Variants in LRRC20 observed in about 807,000 individuals in gnomAD.
LRRC20 encodes the protein leucine rich repeat containing 20, also known as leucine-rich repeat-containing protein 20.
A neutral mutation model predicts 14.4 loss-of-function variants in LRRC20; 11 were observed. The observed-to-expected ratio is 0.77, with a 90% confidence interval of 0.48 to 1.27. The LOEUF (loss-of-function observed/expected upper bound fraction) is 1.27. Ranked by LOEUF, LRRC20 falls within the 50% of genes most tolerant of loss-of-function variation. The pLI, the probability that LRRC20 is intolerant of heterozygous loss-of-function variation, is 0.00. For synonymous variants in LRRC20, 121 were observed against 107.3 expected, an observed-to-expected ratio of 1.13 and a Z score of -0.79; for missense variants, 219 against 251.2, an observed-to-expected ratio of 0.87 and a Z score of 0.87.
At chr10:70,340,892 A>C (rs1454538478) in intron 2 of LRRC20, among the ~76,000 whole-genome samples, 190 bp from the exon 3 acceptor site, 1 of 151,634 alleles carries the variant, frequency 6.6e-6, no homozygotes, top group Admixed American at 6.6e-5. Context: ...ATTAACTCAC[A>C]CCTGTCCCTC....
At chr10:70,319,570 C>T (rs1430316755) in intron 4 of LRRC20, among the ~76,000 whole-genome samples, 1 of 152,156 alleles carries the variant, frequency 6.6e-6, no homozygotes, top group Non-Finnish European at 1.5e-5. Context: ...CATCTGCCCT[C>T]CCCTACACCT....
intron 4 of LRRC20, among the ~76,000 whole-genome samples, chr10:70,305,152 C>A (rs1214158376): frequency 3.3e-5 from 5 of 152,172 alleles, no homozygotes; most frequent in African/African-American, 1.2e-4. Context: ...CCACTGCACT[C>A]CAGCCTGGGC....
intron 3 of LRRC20, among the ~76,000 whole-genome samples, chr10:70,338,742 C>T (rs1395732365): frequency 6.6e-6 from 1 of 152,230 alleles, no homozygotes; most frequent in South Asian, 2.1e-4. Flanking sequence ...CTCACTGCAA[C>T]CTCCACCTTC....
chr10:70,309,276 C>A (rs72809217), intron 4 of LRRC20, among the ~76,000 whole-genome samples: 11,928 of 152,266 alleles, frequency 0.078, 561 homozygotes, highest in Middle Eastern at 0.21. Context: ...CCCAGCAAAG[C>A]AGGCTGCTTC....
chr10:70,303,492 A>G (rs1841293194), intron 4 of LRRC20, among the ~76,000 whole-genome samples: 1 of 152,194 alleles, frequency 6.6e-6, no homozygotes, highest in Non-Finnish European at 1.5e-5. Context: ...TCTGGAATCA[A>G]AACAAACATA....
chr10:70,337,838 C>A (rs557222646), intron 3 of LRRC20, among the ~76,000 whole-genome samples: 12 of 152,140 alleles, frequency 7.9e-5, no homozygotes, highest in Non-Finnish European at 1.5e-4. Flanking sequence ...TCTGGGCCTC[C>A]GGACCTAGGT....
chr10:70,303,301 C>G (rs559510668), intron 4 of LRRC20, among the ~76,000 whole-genome samples: 2 of 152,146 alleles, frequency 1.3e-5, no homozygotes, highest in Admixed American at 1.3e-4. Flanking sequence ...CTAAAGAGTC[C>G]CTAAAGAAGC....
chr10:70,317,841 G>C (rs1301245932), intron 4 of LRRC20, among the ~76,000 whole-genome samples: 1 of 152,222 alleles, frequency 6.6e-6, no homozygotes, highest in Non-Finnish European at 1.5e-5. Flanking sequence ...TGGCAAGCTG[G>C]GAGGTCTGAA....
chr10:70,366,670 T>C (rs763182063), intron 2 of LRRC20, among the ~76,000 whole-genome samples: 1 of 152,156 alleles, frequency 6.6e-6, no homozygotes, highest in African/African-American at 2.4e-5. Context: ...TAGTTTTTTA[T>C]AGTCAAACAT....
chr10:70,377,151 C>A (rs373509336), intron 1 of LRRC20, among the ~76,000 whole-genome samples: 2 of 152,148 alleles, frequency 1.3e-5, no homozygotes, highest in African/African-American at 4.8e-5. Flanking sequence ...CACGGACTGG[C>A]GGTGGGTGGT....
intron 4 of LRRC20, among the ~76,000 whole-genome samples, chr10:70,320,690 C>T (rs1189495007): frequency 1.3e-5 from 2 of 152,138 alleles, no homozygotes; most frequent in South Asian, 2.1e-4. Context: ...ACTGGAGGGC[C>T]GTGTGCTCAA....
chr10:70,381,135 G>T (rs888230335), intron 1 of LRRC20, among the ~76,000 whole-genome samples: 2 of 152,256 alleles, frequency 1.3e-5, no homozygotes, highest in African/African-American at 4.8e-5. Flanking sequence ...CTAATCCATA[G>T]TTTTGCAAAG....
Position 70,301,461 on chromosome 10 carries a change from T to C in LRRC20, c.448A>G (p.Asn150Asp). ...GCGTTGAGTGGGTTGAAGCGGAGGTTGATGCTGCGCAAGGCTGGCATGGCG... is the reference window on the plus strand; with the variant it reads ...GCGTTGAGTGGGTTGAAGCGGAGGTCGATGCTGCGCAAGGCTGGCATGGCG... ...LAAMPALRSI[N>D]LRFNPLNAEV... The change falls in exon 5 of 5, where the codon AAC becomes GAC. Residue 150 changes from asparagine to aspartate, a missense_variant. By Grantham distance (23) the Asn-to-Asp change is conservative. Coordinates refer to ENST00000446961, the MANE Select transcript of LRRC20 (RefSeq NM_001278212.2). The C allele has an allele frequency of 3.1e-6, 5 of 1,614,074 alleles. No individual in the cohort carries two copies. The highest frequency in any genetic ancestry group is 4.2e-6 in the Non-Finnish European group (5 of 1,180,034).
chr10:70,332,186 G>A (rs1842565776), intron 3 of LRRC20, among the ~76,000 whole-genome samples: 1 of 152,244 alleles, frequency 6.6e-6, no homozygotes, highest in Non-Finnish European at 1.5e-5. Context: ...GCTCAGTGCT[G>A]AGGAGGCTTC....
At chr10:70,345,815 T>C (rs7074903) in intron 2 of LRRC20, among the ~76,000 whole-genome samples, 6,438 of 152,262 alleles carry the variant, frequency 0.042, 179 homozygotes, top group East Asian at 0.095. Flanking sequence ...TAATTTGCAA[T>C]ATTTTCAATA....
chr10:70,352,511 T>C lies in LRRC20; in HGVS notation c.83-11809A>G, dbSNP rs554814433. 4.6e-3 allele frequency among the ~76,000 whole-genome samples: 695 copies of C among 152,342 alleles called. 3 individuals are homozygous for C. The highest frequency in any genetic ancestry group is 8.0e-3 in the Non-Finnish European group (545 of 68,020). Reference sequence around the variant, plus strand: ...GACATGTGGCAGACACATGTCATTATACATTAATCTGAGCCTAAGGCTGTA... The same window carrying C: ...GACATGTGGCAGACACATGTCATTACACATTAATCTGAGCCTAAGGCTGTA... On this transcript the variant is annotated intron_variant, in intron 2 of 4. Transcript: ENST00000446961.
At position 70,299,108 on chromosome 10, in the gene LRRC20, C is replaced by A. The variant is rs994227328; in HGVS notation, c.*2246G>T. 5 of 152,630 alleles carry A rather than the reference C, an allele frequency of 3.3e-5. No homozygotes were observed. The highest frequency in any genetic ancestry group is 3.3e-4 in the Admixed American group (5 of 15,286). The allele number at this position is 152,630 out of a possible 1,614,324, so 9.5% of individuals were successfully genotyped here. On this transcript the variant is annotated 3_prime_UTR_variant, in exon 5 of 5. Coordinates refer to ENST00000446961, the MANE Select transcript of LRRC20 (RefSeq NM_001278212.2). ...CAAACTCTCCAAGCAGAGGAGAAAA[C>A]AACTTCCAGAAGCTGCCCCTTCAAA... is the stretch of plus-strand genomic sequence containing the variant.
intron 3 of LRRC20, among the ~76,000 whole-genome samples, chr10:70,327,411 T>C (rs990594628): frequency 5.3e-5 from 8 of 151,688 alleles, no homozygotes; most frequent in Non-Finnish European, 1.2e-4. Context: ...CCCATCTCTA[T>C]TAAAAATACA....
At chr10:70,320,770 C>T (rs1001798001) in intron 4 of LRRC20, among the ~76,000 whole-genome samples, 7 of 152,184 alleles carry the variant, frequency 4.6e-5, no homozygotes, top group African/African-American at 1.7e-4. Flanking sequence ...CCAGTGAGCA[C>T]CAAGGTCAGG....
Sources: gnomAD v4.1 joint callset for allele counts (sites outside exome capture counted in the v4.1 genomes callset) on GRCh38, gnomAD v4.1.1 for gene constraint, MANE v1.5 for transcripts, NCBI Gene and HGNC (gene_info 2026-07-23, HGNC 2026-07-21) for gene names.